MTFR1: variants seen among roughly 807,000 people sequenced by gnomAD.
The protein encoded by MTFR1 is mitochondrial fission regulator 1, also known as chondrocyte protein with a poly-proline region.
Under a neutral mutation model 38.8 loss-of-function variants are expected in MTFR1, and 28 were observed. That is an observed-to-expected ratio of 0.72 (90% confidence interval 0.53 to 0.99). The LOEUF is 0.99. MTFR1 is among the 50% of genes least tolerant of loss of function. The pLI, the probability that MTFR1 is intolerant of heterozygous loss-of-function variation, is 0.00. For synonymous variants in MTFR1, 145 were observed against 137.0 expected, an observed-to-expected ratio of 1.06 and a Z score of -0.41; for missense variants, 358 against 395.5, an observed-to-expected ratio of 0.91 and a Z score of 0.81.
intron 3 of MTFR1, among the ~76,000 whole-genome samples, chr8:65,766,273 T>C (rs192145670): frequency 1.1e-4 from 17 of 152,324 alleles, no homozygotes; most frequent in African/African-American, 3.1e-4. Flanking sequence ...AAAAAATCAA[T>C]ATGGAATTTA....
At chr8:65,727,291 G>A (rs759254631) in intron 3 of MTFR1, 1 of 1,611,910 alleles carries the variant, frequency 6.2e-7, no homozygotes, top group African/African-American at 1.3e-5. Flanking sequence ...AGGAGTTACA[G>A]AATTGGCAAG....
chr8:65,725,608 C>T (rs1377481819), intron 3 of MTFR1: 1 of 152,144 alleles, frequency 6.6e-6, no homozygotes, highest in Non-Finnish European at 1.5e-5. Flanking sequence ...AAATTCTTGC[C>T]TTTTGTTTTA....
At chr8:65,700,802 GC>G (rs1284923224) in intron 4 of MTFR1, among the ~76,000 whole-genome samples, 13 of 152,252 alleles carry the variant, frequency 8.5e-5, no homozygotes, top group African/African-American at 2.9e-4. Context: ...CTTACAATTT[GC>G]CTGCTAGGAA....
intron 3 of MTFR1, chr8:65,689,517 A>T (rs967792613): frequency 1.7e-6 from 2 of 1,185,422 alleles, no homozygotes; most frequent in Non-Finnish European, 1.1e-6. Flanking sequence ...TGATTTTGAA[A>T]AAAAATTTCT....
intron 3 of MTFR1, among the ~76,000 whole-genome samples, chr8:65,721,206 T>A (rs1806363855): frequency 6.6e-6 from 1 of 152,228 alleles, no homozygotes; most frequent in African/African-American, 2.4e-5. Flanking sequence ...CCCACAAGCC[T>A]CTACTTTATC....
In MTFR1 at chr8:65,644,794, G is replaced by T. The variant is rs561854435; in HGVS notation, c.-81+10G>T. ...CTGCCGCGCGGCCGAGGTGAGTAGG[G>T]TGGGAACTCGGAAAAGCGGTTGGCT... On this transcript the variant is annotated intron_variant, in intron 1 of 7. Transcript: ENST00000262146. The T allele has an allele frequency of 6.5e-6, 1 of 152,890 alleles. No individual in the cohort carries two copies. Among genetic ancestry groups the T allele is most frequent in the South Asian group, 2.1e-4 (1 of 4,830 alleles). 9.5% of individuals were successfully genotyped at this position (152,890 alleles called of 1,614,324 possible).
intron 1 of MTFR1, among the ~76,000 whole-genome samples, chr8:65,660,162 A>G (rs562774529): frequency 9.9e-4 from 150 of 152,112 alleles, no homozygotes; most frequent in African/African-American, 3.5e-3. Context: ...ATGGTGGTAC[A>G]TGCCTGTAAT....
chr8:65,727,451 C>T, intron 3 of MTFR1: 1 of 1,077,612 alleles, frequency 9.3e-7, no homozygotes, highest in East Asian at 2.6e-5. Flanking sequence ...TTAGGTTCAC[C>T]AAGCACATCT....
intron 5 of MTFR1, among the ~76,000 whole-genome samples, chr8:65,706,702 A>G (rs1384466487): frequency 6.6e-6 from 1 of 152,190 alleles, no homozygotes; most frequent in African/African-American, 2.4e-5. Flanking sequence ...ACTTTGTTTT[A>G]TATTTCTGTT....
chr8:65,682,284 G>A (rs1804917593), intron 2 of MTFR1, 69 bp from the exon 3 acceptor site: 1 of 683,840 alleles, frequency 1.5e-6, no homozygotes, highest in Non-Finnish European at 2.4e-6. Flanking sequence ...ACAAATAATT[G>A]TCTAATGCTT....
At chr8:65,775,001 TTA>T (rs1206733242), downstream of MTFR1, among the ~76,000 whole-genome samples, 1 of 152,232 alleles carries the variant, frequency 6.6e-6, no homozygotes, top group Admixed American at 6.5e-5. Flanking sequence ...CTGGATTAAT[TTA>T]TGTTTTCTAC....
the MTFR1 span, among the ~76,000 whole-genome samples, chr8:65,776,905 T>C: frequency 6.6e-6 from 1 of 152,200 alleles, no homozygotes; most frequent in South Asian, 2.1e-4. Flanking sequence ...ATAGGAAAGA[T>C]GATGAAAGAT....
intron 3 of MTFR1, chr8:65,747,848 T>C (rs1413608000): frequency 1.5e-6 from 2 of 1,331,026 alleles, no homozygotes; most frequent in African/African-American, 1.5e-5. Context: ...GTTAAAATTA[T>C]ACACATGCTA....
intron 1 of MTFR1, among the ~76,000 whole-genome samples, chr8:65,645,215 C>T (rs540427506): frequency 6.6e-6 from 1 of 152,234 alleles, no homozygotes; most frequent in African/African-American, 2.4e-5. Flanking sequence ...GGCTCAGGAG[C>T]CGGACTGCGC....
intron 1 of MTFR1, among the ~76,000 whole-genome samples, chr8:65,663,455 T>C: frequency 6.6e-6 from 1 of 151,022 alleles, no homozygotes; most frequent in Middle Eastern, 3.2e-3. Context: ...GTTTATCTGC[T>C]GACCTTCCCT....
chr8:65,721,235 C>T (rs1008688093), intron 3 of MTFR1, among the ~76,000 whole-genome samples: 6 of 152,294 alleles, frequency 3.9e-5, no homozygotes, highest in East Asian at 1.9e-4. Flanking sequence ...TTTCACAGGA[C>T]GCCTTGTCAA....
At chr8:65,758,687 T>C (rs532473260) in intron 3 of MTFR1, among the ~76,000 whole-genome samples, 36 of 152,252 alleles carry the variant, frequency 2.4e-4, no homozygotes, top group Non-Finnish European at 4.1e-4. Flanking sequence ...GTTATCTCTC[T>C]GCCCAGTGCT....
At chr8:65,686,579 CAAA>C (rs757100773) in intron 3 of MTFR1, among the ~76,000 whole-genome samples, 1 of 62,384 alleles carries the variant, frequency 1.6e-5, no homozygotes. Flanking sequence ...GACTCCGTCT[CAAA>C]AAAAAAAAAA....
chr8:65,760,613 C>T (rs1446073763), intron 3 of MTFR1, among the ~76,000 whole-genome samples: 2 of 152,136 alleles, frequency 1.3e-5, no homozygotes, highest in African/African-American at 4.8e-5. Context: ...GGATCAAGAA[C>T]TATAAATCAA....
Sources: allele counts gnomAD v4.1 joint callset (sites outside exome capture counted in the v4.1 genomes callset), GRCh38; gene constraint gnomAD v4.1.1; transcripts MANE v1.5; gene names NCBI Gene and HGNC (gene_info 2026-07-23, HGNC 2026-07-21).